Variants in IFT140 observed in about 807,000 individuals in gnomAD.
The protein encoded by IFT140 is intraflagellar transport protein 140 homolog.
In IFT140, 133 loss-of-function variants were observed where a neutral mutation model predicts 164.6. The observed-to-expected ratio is 0.81, with a 90% CI of 0.70 to 0.93. The LOEUF is 0.93. Ranked by LOEUF, IFT140 falls within the 40% of genes least tolerant of loss-of-function variation. The pLI, the probability that IFT140 is intolerant of heterozygous loss-of-function variation, is 0.00. For synonymous variants in IFT140, 860 were observed against 817.3 expected, an observed-to-expected ratio of 1.05 and a Z score of -0.89; for missense variants, 2,045 against 1,972.3, an observed-to-expected ratio of 1.04 and a Z score of -0.70.
Position 1,564,208 on chromosome 16 carries a change from C to T in IFT140, c.1902-46G>A. Reference sequence around the variant, plus strand: ...CGTTTCAACCCCAGGGCGGGCACTCCTGCTACCAGTCTCCCTCCCACACAC... The same window carrying T: ...CGTTTCAACCCCAGGGCGGGCACTCTTGCTACCAGTCTCCCTCCCACACAC... On this transcript the variant is annotated intron_variant, in intron 16 of 30. Transcript: ENST00000426508. The surrounding 1 kb of genome is among the most constrained non-coding windows in gnomAD (Gnocchi z 5.5). 1 of 1,490,978 alleles carries T rather than the reference C, an allele frequency of 6.7e-7. No individual in the cohort carries two copies. Among genetic ancestry groups the T allele is most frequent in the Non-Finnish European group, 9.1e-7 (1 of 1,103,358 alleles). 92.4% of individuals were successfully genotyped at this position (1,490,978 alleles called of 1,614,324 possible). A position where few individuals can be genotyped will look rare whatever the true frequency, so the allele number is the denominator to read the frequency against.
chr16:1,574,558 G>A (rs1009906459), intron 13 of IFT140, among the ~76,000 whole-genome samples: 6 of 152,124 alleles, frequency 3.9e-5, no homozygotes, highest in African/African-American at 9.7e-5. Flanking sequence ...TGGGATTACC[G>A]TCATGAGCCA....
chr16:1,603,205 C>T (rs2667681), intron 3 of IFT140, among the ~76,000 whole-genome samples: 65,503 of 151,930 alleles, frequency 0.43, 15,820 homozygotes, highest in African/African-American at 0.66. Flanking sequence ...ATGGCTGGCA[C>T]GCATTTTAGT....
chr16:1,526,145 C>T (rs541276915), intron 20 of IFT140, 68 bp from the exon 21 acceptor site: 34 of 1,417,980 alleles, frequency 2.4e-5, no homozygotes, highest in East Asian at 2.0e-4. Context: ...CACTGTTCCA[C>T]GCCAGGCCAC....
At chr16:1,578,878 A>AT (rs113513135) in intron 13 of IFT140, among the ~76,000 whole-genome samples, 3,366 of 151,602 alleles carry the variant, frequency 0.022, 122 homozygotes, top group African/African-American at 0.076. Context: ...CACTCAGCCA[A>AT]TTTTTTTTTG....
At chr16:1,544,822 G>C (rs1249408936) in intron 19 of IFT140, among the ~76,000 whole-genome samples, 1 of 151,454 alleles carries the variant, frequency 6.6e-6, no homozygotes, top group Non-Finnish European at 1.5e-5. Context: ...CTAATTTTTT[G>C]TATTTTTAGT....
At position 1,523,710 on chromosome 16, in the gene IFT140, C is replaced by T. The variant is rs764938152; in HGVS notation, c.3271-10G>A. The T allele has an allele frequency of 1.1e-5, 18 of 1,612,022 alleles. No homozygotes were observed. Among genetic ancestry groups the T allele is most frequent in the South Asian group, 6.6e-5 (6 of 91,070 alleles). On this transcript the variant is annotated splice_polypyrimidine_tract_variant and intron_variant, in intron 25 of 30. Coordinates refer to ENST00000426508, the MANE Select transcript of IFT140 (RefSeq NM_014714.4). ...TGGAGAAGTGGCCAGCCTGCGGATACGGTGGGCTCTGAGCAGCTGCCCGAG... is the reference window on the plus strand; with the variant it reads ...TGGAGAAGTGGCCAGCCTGCGGATATGGTGGGCTCTGAGCAGCTGCCCGAG...
intron 4 of IFT140, among the ~76,000 whole-genome samples, chr16:1,601,907 T>C (rs577138533): frequency 6.6e-6 from 1 of 152,256 alleles, no homozygotes; most frequent in Non-Finnish European, 1.5e-5. Context: ...CAGTTGCCTC[T>C]GCACCATGTC....
chr16:1,602,154 A>G, intron 4 of IFT140: 4 of 578,724 alleles, frequency 6.9e-6, no homozygotes, highest in South Asian at 6.1e-5. Context: ...GCAGTTTCCC[A>G]GCAAAGTTCA....
At chr16:1,571,701 C>T (rs72481037) in intron 13 of IFT140, among the ~76,000 whole-genome samples, 167 bp from the exon 14 acceptor site, 8,010 of 152,278 alleles carry the variant, frequency 0.053, 442 homozygotes, top group Admixed American at 0.17. Flanking sequence ...TGTTTACTGA[C>T]GGCTCAGAGT....
Position 1,551,606 on chromosome 16 carries a change from C to T in IFT140, c.2399+6329G>A, listed in dbSNP as rs987804179. On this transcript the variant is annotated intron_variant, in intron 19 of 30. Transcript: ENST00000426508. The surrounding 1 kb of genome is among the most constrained non-coding windows in gnomAD (Gnocchi z 4.0). ...CATCAGTATCCCCAGCAAGGTCACC[C>T]GGCACTGCTGCAGACACCTTGAAAC... Among the ~76,000 whole-genome samples the T allele has an allele frequency of 2.0e-5, 3 of 152,152 alleles. No individual in the cohort carries two copies. The highest frequency in any genetic ancestry group is 2.9e-5 in the Non-Finnish European group (2 of 68,018).
chr16:1,550,600 A>T (rs1386841007), intron 19 of IFT140, among the ~76,000 whole-genome samples: 1 of 152,044 alleles, frequency 6.6e-6, no homozygotes, highest in Non-Finnish European at 1.5e-5. Flanking sequence ...CTGCTAGGGC[A>T]CCCGGCAGGC....
At chr16:1,595,283 TCAAATAAACAAA>T (rs1008959424) in intron 4 of IFT140, among the ~76,000 whole-genome samples, 1 of 150,826 alleles carries the variant, frequency 6.6e-6, no homozygotes, top group Admixed American at 6.6e-5. Context: ...AGACTTCGTC[TCAAATAAACAAA>T]CAAACAAACA....
Position 1,510,427 on chromosome 16 carries a change from T to C in IFT140, c.*517A>G. Reference sequence around the variant, plus strand: ...GGGCGGGATGGGACAGGGCACGGGCTCTCAGAAAATAAACTGCTTTATTGG... The same window carrying C: ...GGGCGGGATGGGACAGGGCACGGGCCCTCAGAAAATAAACTGCTTTATTGG... On this transcript the variant is annotated 3_prime_UTR_variant, in exon 31 of 31. Transcript: ENST00000426508. 1 of 220,102 alleles carries C rather than the reference T, an allele frequency of 4.5e-6. No homozygotes were observed. Among genetic ancestry groups the C allele is most frequent in the Non-Finnish European group, 9.2e-6 (1 of 109,116 alleles). 13.6% of individuals were successfully genotyped at this position (220,102 alleles called of 1,614,324 possible).
chr16:1,610,499 C>G (rs759231793), intron 2 of IFT140, 165 bp downstream of exon 2: 20 of 154,122 alleles, frequency 1.3e-4, no homozygotes, highest in Non-Finnish European at 2.6e-4. Context: ...AAGCCCGCCC[C>G]AGCCTCGATG....
At chr16:1,523,783 G>A in intron 25 of IFT140, 45 bp downstream of exon 25, 1 of 1,606,868 alleles carries the variant, frequency 6.2e-7, no homozygotes, top group Non-Finnish European at 8.5e-7. Context: ...GGGCCCCCTG[G>A]CTTGCTGCCC....
At position 1,553,196 on chromosome 16, in the gene IFT140, G is replaced by T; in HGVS notation, c.2399+4739C>A. 2 of 983,566 alleles carry T rather than the reference G, an allele frequency of 2.0e-6. No individual in the cohort carries two copies. 60.9% of individuals were successfully genotyped at this position (983,566 alleles called of 1,614,324 possible). On this transcript the variant is annotated intron_variant, in intron 19 of 30. Coordinates refer to ENST00000426508, the MANE Select transcript of IFT140 (RefSeq NM_014714.4). This position sits in a 1 kb window ranked among gnomAD's most constrained non-coding sequence, Gnocchi z 4.4. Reference sequence around the variant, plus strand: ...TCTTGCTCTCTGTCTCTCCTTCCCTGTGTCTCTGTCTCTGTCTCTCTCTGT... The same window carrying T: ...TCTTGCTCTCTGTCTCTCCTTCCCTTTGTCTCTGTCTCTGTCTCTCTCTGT...
intron 18 of IFT140, among the ~76,000 whole-genome samples, chr16:1,559,529 G>A (rs921029881): frequency 2.6e-5 from 4 of 152,182 alleles, no homozygotes; most frequent in African/African-American, 9.7e-5. Flanking sequence ...GACAAAAGAC[G>A]TCATGGCTAG....
intron 3 of IFT140, among the ~76,000 whole-genome samples, chr16:1,603,641 C>G (rs142807308): frequency 6.6e-6 from 1 of 152,100 alleles, no homozygotes; most frequent in African/African-American, 2.4e-5. Context: ...CGCCACCAAG[C>G]CCAGCTAATT....
intron 19 of IFT140, chr16:1,541,785 C>A: frequency 9.3e-7 from 1 of 1,076,514 alleles, no homozygotes; most frequent in Non-Finnish European, 1.3e-6. Flanking sequence ...TTCCCGAAGC[C>A]ACTGCCCAAT....
Sources: allele counts gnomAD v4.1 joint callset (sites outside exome capture counted in the v4.1 genomes callset), GRCh38; gene constraint gnomAD v4.1.1; non-coding constraint Gnocchi (gnomAD v3.1); transcripts MANE v1.5; gene names NCBI Gene and HGNC (gene_info 2026-07-23, HGNC 2026-07-21).